OSBP: variants seen among roughly 807,000 people sequenced by gnomAD.
OSBP encodes oxysterol-binding protein 1.
OSBP carries 32 observed loss-of-function variants against 96.6 expected under a neutral mutation model. The observed-to-expected ratio is 0.33, with a 90% CI of 0.25 to 0.45. The LOEUF (loss-of-function observed/expected upper bound fraction) is 0.45. Among genes scored for constraint, OSBP ranks in the 20% least tolerant of loss-of-function variants. The pLI, the probability that OSBP is intolerant of heterozygous loss-of-function variation, is 1.00. For missense variants in OSBP, 653 were observed against 1,029.7 expected (o/e 0.63, Z 5.01); for synonymous variants, 369 against 389.6 (o/e 0.95, Z 0.62).
At chr11:59,588,244 T>C (rs1590670095) in intron 9 of OSBP, among the ~76,000 whole-genome samples, 1 of 152,074 alleles carries the variant, frequency 6.6e-6, no homozygotes, top group Non-Finnish European at 1.5e-5. Context: ...AATAGAAAAT[T>C]ATTTTTTGGC....
At chr11:59,599,886 C>G (rs1274647799) in intron 7 of OSBP, among the ~76,000 whole-genome samples, 1 of 152,188 alleles carries the variant, frequency 6.6e-6, no homozygotes, top group Non-Finnish European at 1.5e-5. Context: ...CCTAAGGTAT[C>G]TGGACTATGA....
chr11:59,600,630 G>A lies in OSBP; in HGVS notation c.1180-3C>T, dbSNP rs1428930874. On this transcript the variant is annotated splice_polypyrimidine_tract_variant and splice_region_variant and intron_variant, in intron 6 of 13. Transcript: ENST00000263847. ...GTCTCCTCCAGCTGATGCTTGTACT[G>A]AGAGCAAAACAAAGCCATTCAACCA... 3.7e-6 allele frequency: 6 copies of A among 1,612,852 alleles called. No individual in the cohort carries two copies. The East Asian group carries it at 1.3e-4, about 36-fold the overall frequency.
chr11:59,581,641 T>C (rs1232233803), intron 9 of OSBP, 87 bp from the exon 10 acceptor site: 4 of 612,154 alleles, frequency 6.5e-6, no homozygotes, highest in Admixed American at 2.3e-5. Context: ...ATTAATTTCC[T>C]TCTATTGATA....
At chr11:59,586,398 A>C (rs1025712521) in intron 9 of OSBP, among the ~76,000 whole-genome samples, 1 of 152,184 alleles carries the variant, frequency 6.6e-6, no homozygotes, top group Non-Finnish European at 1.5e-5. Flanking sequence ...TGCTGAAAGA[A>C]ATTAAAGTTA....
intron 1 of OSBP, among the ~76,000 whole-genome samples, chr11:59,613,225 A>G (rs891629233): frequency 6.6e-6 from 1 of 152,168 alleles, no homozygotes; most frequent in African/African-American, 2.4e-5. Context: ...TATGGGTGGG[A>G]CCACCTAAGT....
chr11:59,600,446 G>A (rs375250110), intron 7 of OSBP, 50 bp downstream of exon 7: 50 of 1,600,864 alleles, frequency 3.1e-5, no homozygotes, highest in East Asian at 2.7e-4. Flanking sequence ...TCTTCCCACT[G>A]AGGCTTGAGA....
chr11:59,605,502 T>A (rs1860771478), intron 3 of OSBP, among the ~76,000 whole-genome samples: 1 of 152,114 alleles, frequency 6.6e-6, no homozygotes, highest in Admixed American at 6.5e-5. Flanking sequence ...AACCTCCGCC[T>A]CCTGGGTTCA....
At chr11:59,596,409 A>G (rs889609304) in intron 7 of OSBP, among the ~76,000 whole-genome samples, 2 of 152,184 alleles carry the variant, frequency 1.3e-5, no homozygotes, top group Non-Finnish European at 2.9e-5. Flanking sequence ...GCACATTGCT[A>G]TCACTGCTTT....
intron 9 of OSBP, among the ~76,000 whole-genome samples, chr11:59,585,664 G>T (rs1243771349): frequency 1.3e-5 from 2 of 152,266 alleles, no homozygotes; most frequent in East Asian, 1.9e-4. Context: ...CGTCTGGGAG[G>T]TGTACCCAAC....
chr11:59,574,816 A>G lies in OSBP; in HGVS notation c.*1761T>C, dbSNP rs1006667169. On this transcript the variant is annotated 3_prime_UTR_variant, in exon 14 of 14. Coordinates refer to ENST00000263847, the MANE Select transcript of OSBP (RefSeq NM_002556.3). ...GAAGGAAGGGATAGGGGAAGAAATAAAAGTATTAATTTACCCAGTAAAACC... is the reference window on the plus strand; with the variant it reads ...GAAGGAAGGGATAGGGGAAGAAATAGAAGTATTAATTTACCCAGTAAAACC... The G allele has an allele frequency of 2.6e-5, 4 of 152,632 alleles. No homozygotes were observed. Among genetic ancestry groups the G allele is most frequent in the Non-Finnish European group, 5.9e-5 (4 of 68,046 alleles). 9.5% of individuals were successfully genotyped at this position (152,632 alleles called of 1,614,324 possible). A position where few individuals can be genotyped will look rare whatever the true frequency, so the allele number is the denominator to read the frequency against.
Position 59,576,565 on chromosome 11 carries a change from G to A in OSBP, c.*12C>T, listed in dbSNP as rs1354834959. The stretch of plus-strand genomic sequence containing the variant: ...TCTCCATTATATGCTCCTCTTTTTT[G>A]TTACTGCCGTTTCAGAAAATGTCCG... On this transcript the variant is annotated 3_prime_UTR_variant, in exon 14 of 14. Transcript: ENST00000263847. 2 of 1,606,420 alleles carry A rather than the reference G, an allele frequency of 1.2e-6. No individual in the cohort carries two copies. The highest frequency in any genetic ancestry group is 1.7e-6 in the Non-Finnish European group (2 of 1,177,774).
chr11:59,585,549 G>A (rs190784739), intron 9 of OSBP, among the ~76,000 whole-genome samples: 3,022 of 151,340 alleles, frequency 0.02, 78 homozygotes, highest in African/African-American at 0.058. Flanking sequence ...AGGTTGGGGG[G>A]GTCAGCCCCC....
rs778367742 is a variant in OSBP, at chr11:59,610,497, G to A, written c.455C>T (p.Ser152Phe). 1 of 1,614,214 alleles carries A rather than the reference G, an allele frequency of 6.2e-7. No individual in the cohort carries two copies. The highest frequency in any genetic ancestry group is 8.5e-7 in the Non-Finnish European group (1 of 1,180,028). Residue 152 changes from serine to phenylalanine, a missense_variant, in exon 2 of 14, where the codon TCC (serine) becomes TTC (phenylalanine). Ser to Phe is a radical substitution (Grantham distance 155). Transcript: ENST00000263847. ...ATGGTAGGTCTGAGCACCCCCATTG[G>A]AAATGATGAAGTTGCAGGAGTCCTC... Reference protein sequence around the residue: ...TVEDSCNFIISNGGAQTYHLK... With the variant: ...TVEDSCNFIIFNGGAQTYHLK...
At chr11:59,581,035 A>G (rs777178669) in intron 10 of OSBP, among the ~76,000 whole-genome samples, 40 of 152,330 alleles carry the variant, frequency 2.6e-4, no homozygotes, top group Non-Finnish European at 5.4e-4. Context: ...CACATTTTCC[A>G]ACCTACACAT....
chr11:59,603,535 T>G (rs1025426882), intron 3 of OSBP, among the ~76,000 whole-genome samples: 4 of 146,142 alleles, frequency 2.7e-5, no homozygotes, highest in African/African-American at 1.0e-4. Context: ...TTCAGTTTTT[T>G]TTTTTTTTTT....
Position 59,602,454 on chromosome 11 carries a change from C to T in OSBP, c.823-616G>A, listed in dbSNP as rs540052875. Among the ~76,000 whole-genome samples the T allele has an allele frequency of 2.6e-5, 4 of 152,112 alleles. No individual in the cohort carries two copies. The South Asian group carries it at 8.3e-4, about 32-fold the overall frequency. ...CAAAGAAGAGGTTTAGAGAAAAAAC[C>T]CACAAATATGATTATATCAAGTCCC... On this transcript the variant is annotated intron_variant, in intron 3 of 13. Coordinates refer to ENST00000263847, the MANE Select transcript of OSBP (RefSeq NM_002556.3).
At chr11:59,590,104 A>G (rs1051107774) in intron 9 of OSBP, among the ~76,000 whole-genome samples, 6 of 152,148 alleles carry the variant, frequency 3.9e-5, no homozygotes, top group Admixed American at 6.5e-5. Flanking sequence ...TTTTTAGCCT[A>G]TTTTATAGGG....
intron 4 of OSBP, 30 bp downstream of exon 4, chr11:59,601,610 A>G: frequency 6.2e-7 from 1 of 1,606,288 alleles, no homozygotes; most frequent in Non-Finnish European, 8.5e-7. Flanking sequence ...CTCACCTTAG[A>G]CCAGGCTACC....
chr11:59,588,016 G>A (rs1860522648), intron 9 of OSBP, among the ~76,000 whole-genome samples: 1 of 152,132 alleles, frequency 6.6e-6, no homozygotes, highest in African/African-American at 2.4e-5. Context: ...AGCAAAATGT[G>A]TACATACACA....
Sources: allele counts gnomAD v4.1 joint callset (sites outside exome capture counted in the v4.1 genomes callset), GRCh38; gene constraint gnomAD v4.1.1; transcripts MANE v1.5; gene names NCBI Gene and HGNC (gene_info 2026-07-23, HGNC 2026-07-21).